Variants in BNC2 observed in about 807,000 individuals in gnomAD.
BNC2 encodes zinc finger protein basonuclin-2.
In BNC2, 20 loss-of-function variants were observed where a neutral mutation model predicts 76.3. The observed-to-expected ratio is 0.26, with a 90% confidence interval of 0.18 to 0.38. The LOEUF (loss-of-function observed/expected upper bound fraction) is 0.38. BNC2 is among the 10% of genes least tolerant of loss of function. The pLI, the probability that BNC2 is intolerant of heterozygous loss-of-function variation, is 1.00. For synonymous variants in BNC2, 582 were observed against 514.8 expected, an observed-to-expected ratio of 1.13 and a Z score of -1.77; for missense variants, 1,382 against 1,399.8, an observed-to-expected ratio of 0.99 and a Z score of 0.20.
intron 5 of BNC2, among the ~76,000 whole-genome samples, chr9:16,442,245 A>G (rs1201074710): frequency 6.6e-6 from 1 of 152,246 alleles, no homozygotes; most frequent in Non-Finnish European, 1.5e-5. Flanking sequence ...GTAACACCAA[A>G]TAATATAGAC....
intron 1 of BNC2, among the ~76,000 whole-genome samples, chr9:16,759,754 C>T (rs1285712903): frequency 6.7e-6 from 1 of 148,852 alleles, no homozygotes; most frequent in African/African-American, 2.5e-5. Context: ...CACAGAGTCT[C>T]GCTCTGTCGC....
chr9:16,756,009 G>C (rs924187207), intron 1 of BNC2, among the ~76,000 whole-genome samples: 32 of 152,196 alleles, frequency 2.1e-4, no homozygotes, highest in African/African-American at 7.2e-4. Context: ...ACCAACGCTA[G>C]ATATGTGAAA....
At chr9:16,561,004 CA>C (rs1395325766) in intron 4 of BNC2, among the ~76,000 whole-genome samples, 6 of 151,902 alleles carry the variant, frequency 3.9e-5, no homozygotes, top group African/African-American at 1.2e-4. Context: ...TTGGGAGGCC[CA>C]GCACTTTGGG....
intron 3 of BNC2, among the ~76,000 whole-genome samples, chr9:16,650,547 AT>A (rs201099421): frequency 2.6e-5 from 4 of 151,636 alleles, no homozygotes; most frequent in African/African-American, 4.8e-5. Flanking sequence ...TTATTTCAAA[AT>A]TTTTTTTTAT....
At chr9:16,508,316 C>T (rs1822676476) in intron 5 of BNC2, among the ~76,000 whole-genome samples, 1 of 152,180 alleles carries the variant, frequency 6.6e-6, no homozygotes, top group South Asian at 2.1e-4. Context: ...AACTCTTAAA[C>T]AGGTTTTGGT....
rs531844887 is a variant in BNC2 at position 16,623,252 on chromosome 9, G to A, written c.331-40167C>T. 7.2e-5 allele frequency among the ~76,000 whole-genome samples: 11 copies of A among 152,218 alleles called. No individual in the cohort carries two copies. The South Asian group carries it at 2.3e-3, about 32-fold the overall frequency. On this transcript the variant is annotated intron_variant, in intron 3 of 6. Transcript: ENST00000380672. ...TTAGCCACCAGAGATTGAAAGTGCG[G>A]CATACAAGACTCAGGACTTAAAAAC...
intron 4 of BNC2, among the ~76,000 whole-genome samples, chr9:16,553,074 G>A (rs1818713945): frequency 6.6e-6 from 1 of 152,094 alleles, no homozygotes. Context: ...CGTGGCTGGT[G>A]CTAAAAACCT....
intron 5 of BNC2, among the ~76,000 whole-genome samples, chr9:16,499,765 AAGT>A (rs1273375946): frequency 6.6e-6 from 1 of 151,870 alleles, no homozygotes; most frequent in Non-Finnish European, 1.5e-5. Context: ...TCCTGACCTC[AAGT>A]GATAAGCCTG....
chr9:16,519,274 A>C (rs1480999942), intron 5 of BNC2, among the ~76,000 whole-genome samples: 1 of 152,202 alleles, frequency 6.6e-6, no homozygotes, highest in Non-Finnish European at 1.5e-5. Flanking sequence ...TTACAGAAGA[A>C]ATTTTGTCTA....
chr9:16,749,711 A>T (rs1196346764), intron 1 of BNC2, among the ~76,000 whole-genome samples: 1 of 152,164 alleles, frequency 6.6e-6, no homozygotes, highest in African/African-American at 2.4e-5. Context: ...TAAAAAAAAA[A>T]AAAAAATAGT....
chr9:16,498,280 TATATATATATTCCATC>T (rs1421933374), intron 5 of BNC2, among the ~76,000 whole-genome samples: 3 of 109,522 alleles, frequency 2.7e-5, no homozygotes, highest in African/African-American at 9.7e-5. Flanking sequence ...TTCCATCATA[TATATATATATTCCATC>T]ATATATATAT....
chr9:16,768,913 T>A (rs1341836403), intron 1 of BNC2, among the ~76,000 whole-genome samples: 1 of 151,972 alleles, frequency 6.6e-6, no homozygotes, highest in East Asian at 1.9e-4. Context: ...CAGGAAACCT[T>A]AAGAAACAGA....
intron 3 of BNC2, among the ~76,000 whole-genome samples, chr9:16,674,940 A>G (rs752403033): frequency 9.2e-5 from 14 of 152,330 alleles, no homozygotes; most frequent in Non-Finnish European, 2.1e-4. Flanking sequence ...TCCGATTCTT[A>G]AAGTTTAAGA....
chr9:16,606,330 G>A (rs1820383212), intron 3 of BNC2, among the ~76,000 whole-genome samples: 2 of 152,222 alleles, frequency 1.3e-5, no homozygotes, highest in African/African-American at 4.8e-5. Flanking sequence ...GATTAGAGGG[G>A]AGAAATATAT....
At chr9:16,746,371 G>C (rs999215801) in intron 1 of BNC2, among the ~76,000 whole-genome samples, 1 of 151,792 alleles carries the variant, frequency 6.6e-6, no homozygotes, top group African/African-American at 2.4e-5. Context: ...TTTTTTGTTT[G>C]TTTGCTTTTT....
intron 3 of BNC2, among the ~76,000 whole-genome samples, chr9:16,698,793 T>C (rs1823419730): frequency 6.6e-6 from 1 of 152,132 alleles, no homozygotes; most frequent in African/African-American, 2.4e-5. Flanking sequence ...TGTAACATCA[T>C]CCCTTTATGA....
intron 3 of BNC2, among the ~76,000 whole-genome samples, chr9:16,708,031 G>A (rs1823729074): frequency 6.6e-6 from 1 of 152,132 alleles, no homozygotes; most frequent in South Asian, 2.1e-4. Context: ...ATACCACGAT[G>A]AAAACTATTT....
chr9:16,482,616 TCTTA>T (rs1175417007), intron 5 of BNC2, among the ~76,000 whole-genome samples: 2 of 152,188 alleles, frequency 1.3e-5, no homozygotes, highest in Admixed American at 6.5e-5. Context: ...AGACATATAA[TCTTA>T]CTTACTTTCC....
intron 5 of BNC2, among the ~76,000 whole-genome samples, chr9:16,460,763 C>G (rs1821561982): frequency 6.6e-6 from 1 of 151,978 alleles, no homozygotes; most frequent in South Asian, 2.1e-4. Flanking sequence ...AGGTGTAAAA[C>G]AAGATGAGAA....
Sources: gnomAD v4.1 joint callset for allele counts (sites outside exome capture counted in the v4.1 genomes callset) on GRCh38, gnomAD v4.1.1 for gene constraint, MANE v1.5 for transcripts, NCBI Gene and HGNC (gene_info 2026-07-23, HGNC 2026-07-21) for gene names.